ESF1: variants seen among roughly 807,000 people sequenced by gnomAD.
The protein encoded by ESF1 is ESF1 homolog.
A neutral mutation model predicts 92.0 loss-of-function variants in ESF1; 58 were observed. That is an observed-to-expected ratio of 0.63 (90% CI 0.51 to 0.78). The LOEUF (loss-of-function observed/expected upper bound fraction) is 0.78. ESF1 is among the 30% of genes least tolerant of loss of function. The pLI, the probability that ESF1 is intolerant of heterozygous loss-of-function variation, is 0.00. For synonymous variants in ESF1, 321 were observed against 313.7 expected, an observed-to-expected ratio of 1.02 and a Z score of -0.24; for missense variants, 922 against 989.1, an observed-to-expected ratio of 0.93 and a Z score of 0.91.
chr20:13,775,160 G>T lies in ESF1; in HGVS notation c.1146C>A (p.Val382=). The T allele has an allele frequency of 6.4e-7, 1 of 1,572,406 alleles. No homozygotes were observed. The highest frequency in any genetic ancestry group is 8.6e-7 in the Non-Finnish European group (1 of 1,159,816). ...TCAAAATGAAATCAATTCTCACCTT[G>T]ACGGAAAATATTACACCTCCTTTGG... ...FKPKGGVIFS[V]KIYPSEFGKE... The change falls in exon 4 of 14, where the codon GTC becomes GTA. Residue 382 remains valine (V), a synonymous_variant. Transcript: ENST00000617257.
At chr20:13,770,299 G>A (rs933202219) in intron 6 of ESF1, among the ~76,000 whole-genome samples, 1 of 152,208 alleles carries the variant, frequency 6.6e-6, no homozygotes, top group Non-Finnish European at 1.5e-5. Flanking sequence ...TGAGTCAGGT[G>A]CAAGCACATG....
Position 13,776,268 on chromosome 20 carries a change from C to A in ESF1, c.640G>T (p.Val214Phe). 2 of 1,605,820 alleles carry A rather than the reference C, an allele frequency of 1.2e-6. No homozygotes were observed. Among genetic ancestry groups the A allele is most frequent in the South Asian group, 2.2e-5 (2 of 89,902 alleles). Reference protein sequence around the residue: ...SKTRREMQSVVQLIMTRDSDG... With the variant: ...SKTRREMQSVFQLIMTRDSDG... ...CTGTCTCTTGTCATTATGAGTTGAA[C>A]CACTGCAAAATGTTAAAGGGGAAAG... The change falls in exon 3 of 14, where the codon GTT becomes TTT. Residue 214 changes from valine (V) to phenylalanine (F), a missense_variant and splice_region_variant. By Grantham distance (50) the Val-to-Phe change is conservative. Coordinates refer to ENST00000617257, the MANE Select transcript of ESF1 (RefSeq NM_001276380.2).
intron 5 of ESF1, among the ~76,000 whole-genome samples, chr20:13,772,314 C>T (rs1245551195): frequency 6.6e-6 from 1 of 151,956 alleles, no homozygotes; most frequent in African/African-American, 2.4e-5. Context: ...TTCATGAATA[C>T]AGAAATAGAA....
intron 9 of ESF1, among the ~76,000 whole-genome samples, 184 bp from the exon 10 acceptor site, chr20:13,734,026 G>A (rs2049960889): frequency 1.3e-5 from 2 of 152,082 alleles, no homozygotes; most frequent in South Asian, 4.1e-4. Flanking sequence ...TTCTATAAAA[G>A]TTATTTCCTA....
intron 13 of ESF1, among the ~76,000 whole-genome samples, chr20:13,716,158 C>T (rs77968857): frequency 0.011 from 1,732 of 152,254 alleles, 28 homozygotes; most frequent in African/African-American, 0.04. Context: ...TCCCAAATTT[C>T]CCCCATCTTA....
At position 13,717,524 on chromosome 20, in the gene ESF1, G is replaced by A; in HGVS notation, c.2116-10C>T. 1.9e-6 allele frequency: 3 copies of A among 1,608,092 alleles called. No individual in the cohort carries two copies. The highest frequency in any genetic ancestry group is 1.1e-5 in the South Asian group (1 of 89,992). On this transcript the variant is annotated splice_polypyrimidine_tract_variant and intron_variant, in intron 12 of 13. Transcript: ENST00000617257. ...GCAAAGCCATTTCAGCCTGTAGAGA[G>A]CAAAAAAAAGTTCAAATGTACAACA...
rs777118872 is a variant in ESF1, at chr20:13,715,060, A to G, written c.2370T>C (p.Leu790=). 7 of 1,613,890 alleles carry G rather than the reference A, an allele frequency of 4.3e-6. No individual in the cohort carries two copies. In the Middle Eastern group the frequency reaches 6.6e-4, roughly 152 times the overall value. The stretch of plus-strand genomic sequence containing the variant: ...GTTCTCTTTGCCGGGCCTTCTCCTC[A>G]AGGATTTTTTCCATAGCTTTTGTTT... ...FKKTKAMEKI[L]EEKARQRERK... is the part of the protein sequence containing the mutation. Residue 790 remains leucine, a synonymous_variant, in exon 14 of 14, where the codon CTT becomes CTC. Coordinates refer to ENST00000617257, the MANE Select transcript of ESF1 (RefSeq NM_001276380.2).
chr20:13,766,167 T>C (rs1979417909), intron 8 of ESF1, among the ~76,000 whole-genome samples: 1 of 152,162 alleles, frequency 6.6e-6, no homozygotes, highest in Non-Finnish European at 1.5e-5. Context: ...CTAACATGTA[T>C]TTAGCTGATG....
At chr20:13,770,921 T>G (rs1979653986) in intron 6 of ESF1, among the ~76,000 whole-genome samples, 1 of 152,218 alleles carries the variant, frequency 6.6e-6, no homozygotes, top group Non-Finnish European at 1.5e-5. Flanking sequence ...TTAACTAAAA[T>G]AACCAAATAT....
Position 13,760,324 on chromosome 20 carries a change from G to A in ESF1, c.1667-471C>T, listed in dbSNP as rs188854453. On this transcript the variant is annotated intron_variant, in intron 8 of 13. Transcript: ENST00000617257. ...TAGGAAGTGAGGAGCGCCTCTTCCC[G>A]GCCGCCATCCCATCTAGGAAGTGAG... Among the ~76,000 whole-genome samples, 969 of 149,664 alleles carry A rather than the reference G, an allele frequency of 6.5e-3. 7 individuals are homozygous for A. The highest frequency in any genetic ancestry group is 0.011 in the Non-Finnish European group (731 of 67,478).
intron 11 of ESF1, among the ~76,000 whole-genome samples, chr20:13,719,398 G>C (rs6042315): frequency 0.9 from 137,492 of 152,148 alleles, 62,211 homozygotes; most frequent in East Asian, 1. Flanking sequence ...GAAATCTTTA[G>C]AAAGATTACA....
intron 9 of ESF1, among the ~76,000 whole-genome samples, chr20:13,749,719 C>A (rs7363551): frequency 0.32 from 48,109 of 151,782 alleles, 7,956 homozygotes; most frequent in Middle Eastern, 0.46. Flanking sequence ...GCACGAGCCA[C>A]CATGCCTGGC....
intron 9 of ESF1, among the ~76,000 whole-genome samples, chr20:13,746,051 A>T (rs1600277722): frequency 6.6e-6 from 1 of 151,552 alleles, no homozygotes; most frequent in African/African-American, 2.4e-5. Flanking sequence ...TGCAACCTCC[A>T]CCTCCTGGGC....
chr20:13,733,785 A>T lies in ESF1; in HGVS notation c.1886T>A (p.Leu629Gln). Reference sequence around the variant, plus strand: ...CTCTAAAAATTGTTCCCAAGGGGTCAGTTTATCCTTTCCTTCCAATTTGTT... The same window carrying T: ...CTCTAAAAATTGTTCCCAAGGGGTCTGTTTATCCTTTCCTTCCAATTTGTT... ...VKNKLEGKDK[L>Q]TPWEQFLEKK... Residue 629 changes from leucine to glutamine, a missense_variant, in exon 10 of 14, where the codon CTG (leucine) becomes CAG (glutamine). Physicochemically the swap from Leu to Gln is moderately radical, Grantham distance 113. Coordinates refer to ENST00000617257, the MANE Select transcript of ESF1 (RefSeq NM_001276380.2). 1 of 1,613,044 alleles carries T rather than the reference A, an allele frequency of 6.2e-7. No homozygotes were observed.
chr20:13,739,101 T>G (rs1325409373), intron 9 of ESF1, among the ~76,000 whole-genome samples: 1 of 152,166 alleles, frequency 6.6e-6, no homozygotes, highest in East Asian at 1.9e-4. Context: ...AATTGCTTCT[T>G]ATATAACCCT....
At chr20:13,725,068 A>G (rs2049892529) in intron 11 of ESF1, among the ~76,000 whole-genome samples, 1 of 152,112 alleles carries the variant, frequency 6.6e-6, no homozygotes, top group South Asian at 2.1e-4. Flanking sequence ...TCTCCTTAAA[A>G]TTGACAATTA....
chr20:13,756,332 T>TA (rs1435630494), intron 9 of ESF1, among the ~76,000 whole-genome samples: 1 of 152,202 alleles, frequency 6.6e-6, no homozygotes, highest in Non-Finnish European at 1.5e-5. Context: ...TTCAAAATAT[T>TA]ACAGTTTAAG....
chr20:13,769,832 T>C lies in ESF1; in HGVS notation c.1518+75A>G, dbSNP rs552560374. 117 of 947,608 alleles carry C rather than the reference T, an allele frequency of 1.2e-4. No homozygotes were observed. The African/African-American group carries it at 1.6e-3, about 13-fold the overall frequency. 58.7% of individuals were successfully genotyped at this position (947,608 alleles called of 1,614,324 possible). A position where few individuals can be genotyped will look rare whatever the true frequency, so the allele number is the denominator to read the frequency against. On this transcript the variant is annotated intron_variant, in intron 7 of 13. Transcript: ENST00000617257. ...AATTAATACTTTCCATTTTTAAAGA[T>C]GCTATAAGTAATATACAAAATCTCT...
At chr20:13,763,227 A>T (rs1004124404) in intron 8 of ESF1, among the ~76,000 whole-genome samples, 1 of 152,212 alleles carries the variant, frequency 6.6e-6, no homozygotes, top group Non-Finnish European at 1.5e-5. Flanking sequence ...ATTTCCAACC[A>T]TAAGCCTGGT....
Sources: allele counts gnomAD v4.1 joint callset (sites outside exome capture counted in the v4.1 genomes callset), GRCh38; gene constraint gnomAD v4.1.1; transcripts MANE v1.5; gene names NCBI Gene and HGNC (gene_info 2026-07-23, HGNC 2026-07-21).